FREM2: variants seen among roughly 807,000 people sequenced by gnomAD.
The protein encoded by FREM2 is FRAS1-related extracellular matrix protein 2.
Under a neutral mutation model 219.9 loss-of-function variants are expected in FREM2, and 119 were observed. The ratio of observed to expected loss-of-function variants is 0.54; its 90% CI spans 0.47 to 0.63. FREM2 has a LOEUF of 0.63. FREM2 is among the 30% of genes least tolerant of loss of function. The pLI is 0.00. For missense variants in FREM2, 4,030 were observed against 3,993.6 expected, an observed-to-expected ratio of 1.01 and a Z score of -0.25; for synonymous variants, 1,562 against 1,522.8, an observed-to-expected ratio of 1.03 and a Z score of -0.60.
intron 2 of FREM2, among the ~76,000 whole-genome samples, chr13:38,729,319 T>C (rs1000150805): frequency 6.6e-6 from 1 of 152,200 alleles, no homozygotes; most frequent in Non-Finnish European, 1.5e-5. Flanking sequence ...TTTCTTTTGC[T>C]GAATGATTTT....
chr13:38,739,923 A>T (rs191059482), intron 2 of FREM2, among the ~76,000 whole-genome samples: 3 of 152,182 alleles, frequency 2.0e-5, no homozygotes, highest in African/African-American at 7.2e-5. Flanking sequence ...ATTTACATAC[A>T]TAGCTAAGGC....
At chr13:38,862,603 G>A (rs1877802954) in intron 15 of FREM2, among the ~76,000 whole-genome samples, 1 of 152,156 alleles carries the variant, frequency 6.6e-6, no homozygotes, top group Non-Finnish European at 1.5e-5. Flanking sequence ...TCTTCTGTGG[G>A]GCCGGAGTTT....
intron 2 of FREM2, among the ~76,000 whole-genome samples, chr13:38,708,354 A>G (rs2138091259): frequency 6.6e-6 from 1 of 152,282 alleles, no homozygotes; most frequent in African/African-American, 2.4e-5. Flanking sequence ...ATTACCTAAA[A>G]ATACAAATGT....
Position 38,689,597 on chromosome 13 carries a change from A to G in FREM2, c.2253A>G (p.Glu751=). The part of the protein sequence containing the change: ...TVTQPPTDTD[E]NHLPAPLGTL... ...CTCAGCCCCCCACAGACACAGACGAAAATCACCTGCCAGCCCCACTGGGTA... is the reference window on the plus strand; with the variant it reads ...CTCAGCCCCCCACAGACACAGACGAGAATCACCTGCCAGCCCCACTGGGTA... The change falls in exon 1 of 24, where the codon GAA becomes GAG. Residue 751 remains glutamate (E), a synonymous_variant. Coordinates refer to ENST00000280481, the MANE Select transcript of FREM2 (RefSeq NM_207361.6). 2 of 1,613,292 alleles carry G rather than the reference A, an allele frequency of 1.2e-6. No individual in the cohort carries two copies. Among genetic ancestry groups the G allele is most frequent in the South Asian group, 1.1e-5 (1 of 90,912 alleles).
At chr13:38,735,393 A>G (rs1429509168) in intron 2 of FREM2, among the ~76,000 whole-genome samples, 2 of 152,210 alleles carry the variant, frequency 1.3e-5, no homozygotes, top group African/African-American at 2.4e-5. Flanking sequence ...GGTAATGTCT[A>G]TATTTGAAAG....
chr13:38,762,261 T>G (rs1386914838), intron 2 of FREM2, among the ~76,000 whole-genome samples: 1 of 152,044 alleles, frequency 6.6e-6, no homozygotes, highest in African/African-American at 2.4e-5. Flanking sequence ...CTAGAAGTGA[T>G]GTGGGTGGGC....
chr13:38,758,553 G>A (rs965461736), intron 2 of FREM2, among the ~76,000 whole-genome samples: 1 of 152,278 alleles, frequency 6.6e-6, no homozygotes, highest in Admixed American at 6.5e-5. Flanking sequence ...GCCAGCCCCT[G>A]GGGGCAGGGT....
intron 16 of FREM2, among the ~76,000 whole-genome samples, chr13:38,870,832 T>C (rs1397804081): frequency 6.6e-6 from 1 of 152,156 alleles, no homozygotes; most frequent in South Asian, 2.1e-4. Context: ...CCCTCCAAAA[T>C]AGCATACTCA....
chr13:38,789,599 T>C (rs1874477851), intron 6 of FREM2, among the ~76,000 whole-genome samples: 2 of 151,290 alleles, frequency 1.3e-5, no homozygotes, highest in African/African-American at 4.8e-5. Context: ...TCTATTCTTT[T>C]TATTTTCTAT....
Position 38,864,716 on chromosome 13 carries a change from G to A in FREM2, c.7983+110G>A, listed in dbSNP as rs1017572924. On this transcript the variant is annotated intron_variant, in intron 16 of 23. Transcript: ENST00000280481. Reference sequence around the variant, plus strand: ...CCAGTTTTCCATCTTGGTGTTGTAGGTAATTATTGACAGCAAGGGACCAGA... The same window carrying A: ...CCAGTTTTCCATCTTGGTGTTGTAGATAATTATTGACAGCAAGGGACCAGA... 5.2e-6 allele frequency: 5 copies of A among 964,330 alleles called. No homozygotes were observed. In the African/African-American group the frequency reaches 8.0e-5, roughly 15 times the overall value. 59.7% of individuals were successfully genotyped at this position (964,330 alleles called of 1,614,324 possible).
rs886050200 is a variant in FREM2, at chr13:38,882,677, T to C, written c.*1890T>C. Reference sequence around the variant, plus strand: ...AAGATAAATAGTGGTAATTTCTTAATCATTCCCCTTTCCTTTGCTTTACCT... The same window carrying C: ...AAGATAAATAGTGGTAATTTCTTAACCATTCCCCTTTCCTTTGCTTTACCT... On this transcript the variant is annotated 3_prime_UTR_variant, in exon 24 of 24. Transcript: ENST00000280481. The C allele has an allele frequency of 6.6e-6, 1 of 152,226 alleles. No homozygotes were observed. The highest frequency in any genetic ancestry group is 2.1e-4 in the South Asian group (1 of 4,832). 9.4% of individuals were successfully genotyped at this position (152,226 alleles called of 1,614,324 possible).
chr13:38,851,580 T>A, intron 10 of FREM2, 106 bp from the exon 11 acceptor site: 1 of 871,630 alleles, frequency 1.1e-6, no homozygotes. Context: ...AAGCCAGGAG[T>A]GTAATAGTCA....
intron 2 of FREM2, among the ~76,000 whole-genome samples, chr13:38,750,371 A>G (rs555526885): frequency 6.6e-5 from 10 of 152,310 alleles, no homozygotes; most frequent in Admixed American, 6.5e-4. Flanking sequence ...AGTGAGATCC[A>G]TGTGTTTTGT....
At chr13:38,708,895 G>A (rs1350375720) in intron 2 of FREM2, among the ~76,000 whole-genome samples, 1 of 152,036 alleles carries the variant, frequency 6.6e-6, no homozygotes, top group Non-Finnish European at 1.5e-5. Context: ...GAGTAGCTGG[G>A]ATTACAGGTG....
chr13:38,873,273 C>T (rs75953771), intron 17 of FREM2, among the ~76,000 whole-genome samples: 75 of 152,006 alleles, frequency 4.9e-4, no homozygotes, highest in African/African-American at 1.7e-3. Flanking sequence ...GAAGCTCCAA[C>T]GAAAGCAAGA....
At chr13:38,728,425 T>C (rs1455218196) in intron 2 of FREM2, among the ~76,000 whole-genome samples, 1 of 152,036 alleles carries the variant, frequency 6.6e-6, no homozygotes, top group Non-Finnish European at 1.5e-5. Context: ...ATTCTTTTTT[T>C]AAATGGGGTC....
chr13:38,849,366 T>A (rs1157485496), intron 8 of FREM2, among the ~76,000 whole-genome samples: 1 of 152,058 alleles, frequency 6.6e-6, no homozygotes, highest in Non-Finnish European at 1.5e-5. Flanking sequence ...GACTCCTGAG[T>A]GTCAATAATC....
In FREM2 at chr13:38,847,547, G is replaced by A. The variant is rs116232063; in HGVS notation, c.6169+825G>A. ...TTTTAAGAGAAAGATTCAAATCACA[G>A]ATGAGGGGAGGGAGAGAGAGAAATA... On this transcript the variant is annotated intron_variant, in intron 7 of 23. Transcript: ENST00000280481. Among the ~76,000 whole-genome samples the A allele has an allele frequency of 7.5e-3, 1,146 of 152,146 alleles. 16 individuals are homozygous for A. The highest frequency in any genetic ancestry group is 0.026 in the African/African-American group (1,099 of 41,494).
At chr13:38,720,699 G>A (rs1358093601) in intron 2 of FREM2, among the ~76,000 whole-genome samples, 1 of 144,210 alleles carries the variant, frequency 6.9e-6, no homozygotes, top group African/African-American at 2.5e-5. Context: ...GCTGAGAAGG[G>A]TTTTGCAAGT....
Sources: gnomAD v4.1 joint callset for allele counts (sites outside exome capture counted in the v4.1 genomes callset) on GRCh38, gnomAD v4.1.1 for gene constraint, MANE v1.5 for transcripts, NCBI Gene and HGNC (gene_info 2026-07-23, HGNC 2026-07-21) for gene names.